SCFD2: variants seen among roughly 807,000 people sequenced by gnomAD.
The protein encoded by SCFD2 is sec1 family domain-containing protein 2.
In SCFD2, 54 loss-of-function variants were observed where a neutral mutation model predicts 58.9. The ratio of observed to expected loss-of-function variants is 0.92; its 90% CI spans 0.74 to 1.15. The LOEUF (loss-of-function observed/expected upper bound fraction) is 1.15. Ranked by LOEUF, SCFD2 falls within the 50% of genes most tolerant of loss-of-function variation. The pLI is 0.00. For missense variants in SCFD2, 805 were observed against 836.6 expected (o/e 0.96, Z 0.47); for synonymous variants, 321 against 335.9 (o/e 0.96, Z 0.49).
chr4:53,151,987 G>A (rs766792543), intron 4 of SCFD2, among the ~76,000 whole-genome samples: 1 of 152,122 alleles, frequency 6.6e-6, no homozygotes, highest in Non-Finnish European at 1.5e-5. Context: ...CACTTGTTAC[G>A]ATGAAGAGGG....
At chr4:53,287,694 A>T (rs1375640978) in intron 3 of SCFD2, among the ~76,000 whole-genome samples, 1 of 152,228 alleles carries the variant, frequency 6.6e-6, no homozygotes, top group Non-Finnish European at 1.5e-5. Flanking sequence ...GCAAGTAAAC[A>T]TGATGCCACC....
At chr4:53,335,194 C>CAAAAAAAAAAAA (rs56344451) in intron 2 of SCFD2, among the ~76,000 whole-genome samples, 4 of 80,610 alleles carry the variant, frequency 5.0e-5, no homozygotes, top group African/African-American at 6.9e-5. Context: ...GACTCCGTCT[C>CAAAAAAAAAAAA]AAAAAAAAAA....
intron 5 of SCFD2, among the ~76,000 whole-genome samples, chr4:52,986,337 G>C (rs1211251464): frequency 6.6e-6 from 1 of 152,004 alleles, no homozygotes; most frequent in African/African-American, 2.4e-5. Context: ...TGCAACGTTT[G>C]TGGCTAATAA....
chr4:52,878,655 G>A (rs1007410036), intron 8 of SCFD2, among the ~76,000 whole-genome samples: 1 of 152,180 alleles, frequency 6.6e-6, no homozygotes, highest in Admixed American at 6.5e-5. Flanking sequence ...AAATAGAAGA[G>A]TTTGAAATTG....
chr4:53,111,063 A>AT (rs1197158247), intron 5 of SCFD2, among the ~76,000 whole-genome samples: 2 of 152,188 alleles, frequency 1.3e-5, no homozygotes, highest in African/African-American at 4.8e-5. Flanking sequence ...GGAAACCATC[A>AT]TTCTCAGAAA....
At chr4:52,965,441 G>T (rs1450985493) in intron 5 of SCFD2, among the ~76,000 whole-genome samples, 1 of 152,160 alleles carries the variant, frequency 6.6e-6, no homozygotes, top group African/African-American at 2.4e-5. Context: ...CCCCTGCCAT[G>T]CTAGTGTTCA....
At chr4:53,354,164 T>C (rs1274330148) in intron 1 of SCFD2, among the ~76,000 whole-genome samples, 1 of 152,150 alleles carries the variant, frequency 6.6e-6, no homozygotes, top group Non-Finnish European at 1.5e-5. Context: ...TCGGGCCCCA[T>C]AGGAGCCCAC....
intron 4 of SCFD2, among the ~76,000 whole-genome samples, chr4:53,179,336 G>T (rs1337713733): frequency 2.0e-5 from 3 of 152,106 alleles, no homozygotes; most frequent in Admixed American, 6.5e-5. Context: ...AGAGAGTGGG[G>T]ACCAATATTC....
At chr4:53,220,176 C>G (rs1560393372) in intron 4 of SCFD2, among the ~76,000 whole-genome samples, 2 of 152,164 alleles carry the variant, frequency 1.3e-5, no homozygotes, top group African/African-American at 4.8e-5. Context: ...AGCCCATGAC[C>G]CAGCTTCATT....
At chr4:53,179,715 C>A (rs6554069) in intron 4 of SCFD2, among the ~76,000 whole-genome samples, 148,257 of 152,254 alleles carry the variant, frequency 0.97, 72,319 homozygotes, top group Middle Eastern at 1. Context: ...CAAATTGGAT[C>A]AAGAGTCAAG....
At chr4:53,064,334 T>A (rs1437801731) in intron 5 of SCFD2, among the ~76,000 whole-genome samples, 10 of 152,072 alleles carry the variant, frequency 6.6e-5, no homozygotes, top group Non-Finnish European at 1.0e-4. Context: ...CACCAACACA[T>A]ACCATTTTGA....
chr4:53,228,968 C>T (rs911239987), intron 4 of SCFD2, among the ~76,000 whole-genome samples: 13 of 152,124 alleles, frequency 8.5e-5, no homozygotes, highest in African/African-American at 3.1e-4. Flanking sequence ...CATTCTTATA[C>T]ACCAATAACA....
chr4:53,359,410 A>C (rs1358793822), intron 1 of SCFD2, among the ~76,000 whole-genome samples: 1 of 152,200 alleles, frequency 6.6e-6, no homozygotes, highest in African/African-American at 2.4e-5. Context: ...AAGTCTCTTA[A>C]ATTGAAATTC....
intron 3 of SCFD2, among the ~76,000 whole-genome samples, chr4:53,303,130 A>G (rs1045106167): frequency 1.3e-5 from 2 of 152,248 alleles, no homozygotes; most frequent in African/African-American, 2.4e-5. Context: ...GAGCTTCTGC[A>G]CAGCAAAAGA....
intron 5 of SCFD2, among the ~76,000 whole-genome samples, chr4:53,002,505 T>C (rs1177373596): frequency 6.6e-6 from 1 of 152,144 alleles, no homozygotes. Flanking sequence ...CAACAACCAC[T>C]ACTAGGATTA....
intron 2 of SCFD2, among the ~76,000 whole-genome samples, chr4:53,344,825 A>G (rs560162778): frequency 6.6e-6 from 1 of 152,216 alleles, no homozygotes; most frequent in Non-Finnish European, 1.5e-5. Flanking sequence ...CTTTTGACAA[A>G]CCTGAGAAAA....
chr4:52,987,438 C>T (rs1721522637), intron 5 of SCFD2, among the ~76,000 whole-genome samples: 1 of 152,186 alleles, frequency 6.6e-6, no homozygotes, highest in South Asian at 2.1e-4. Flanking sequence ...AATGGCCATT[C>T]CTTTCTTCAC....
intron 2 of SCFD2, among the ~76,000 whole-genome samples, chr4:53,349,842 T>C (rs1451928888): frequency 1.3e-5 from 2 of 152,178 alleles, no homozygotes; most frequent in Non-Finnish European, 2.9e-5. Context: ...AGCTTACTTA[T>C]TTTTTTGGTA....
intron 5 of SCFD2, among the ~76,000 whole-genome samples, chr4:53,110,247 T>C (rs1442778476): frequency 6.6e-6 from 1 of 152,090 alleles, no homozygotes; most frequent in Admixed American, 6.6e-5. Flanking sequence ...TAACTCAAGA[T>C]GGATTAAAAT....
Sources: allele counts gnomAD v4.1 joint callset (sites outside exome capture counted in the v4.1 genomes callset), GRCh38; gene constraint gnomAD v4.1.1; transcripts MANE v1.5; gene names NCBI Gene and HGNC (gene_info 2026-07-23, HGNC 2026-07-21).